The following AMOTL1 variants were observed in gnomAD, a reference collection of about 807,000 sequenced individuals.
AMOTL1 encodes angiomotin like 1.
A neutral mutation model predicts 102.9 loss-of-function variants in AMOTL1; 45 were observed. That is an observed-to-expected ratio of 0.44 (90% confidence interval 0.34 to 0.56). AMOTL1 has a LOEUF of 0.56. Among genes scored for constraint, AMOTL1 ranks in the 20% least tolerant of loss-of-function variants. The pLI, the probability that AMOTL1 is intolerant of heterozygous loss-of-function variation, is 0.01. For synonymous variants in AMOTL1, 481 were observed against 484.7 expected, an observed-to-expected ratio of 0.99 and a Z score of 0.10; for missense variants, 1,114 against 1,225.6, an observed-to-expected ratio of 0.91 and a Z score of 1.36.
chr11:94,853,603 TCTTTATTTAC>T (rs1952594030), intron 7 of AMOTL1, among the ~76,000 whole-genome samples: 1 of 152,202 alleles, frequency 6.6e-6, no homozygotes, highest in African/African-American at 2.4e-5. Context: ...GTGCAAAAAC[TCTTTATTTAC>T]CTCACTTCCA....
At chr11:94,811,593 C>A (rs1035449373) in intron 3 of AMOTL1, among the ~76,000 whole-genome samples, 1 of 151,710 alleles carries the variant, frequency 6.6e-6, no homozygotes, top group Admixed American at 6.6e-5. Flanking sequence ...AATTCAGAGG[C>A]CTTGTTCCCC....
chr11:94,821,492 T>C, intron 3 of AMOTL1, 38 bp from the exon 4 acceptor site: 1 of 1,589,878 alleles, frequency 6.3e-7, no homozygotes, highest in Non-Finnish European at 8.6e-7. Context: ...TCCCACCATT[T>C]CCCCAGGCTC....
At chr11:94,781,318 C>G (rs1951108403) in intron 1 of AMOTL1, among the ~76,000 whole-genome samples, 1 of 152,216 alleles carries the variant, frequency 6.6e-6, no homozygotes, top group Non-Finnish European at 1.5e-5. Context: ...GGGCCTCTTT[C>G]AGGTTTCACT....
At chr11:94,865,027 A>G (rs1178159959) in intron 10 of AMOTL1, among the ~76,000 whole-genome samples, 167 bp downstream of exon 10, 1 of 152,182 alleles carries the variant, frequency 6.6e-6, no homozygotes, top group East Asian at 1.9e-4. Context: ...TTCCAACCTA[A>G]GCACGTGGTT....
intron 3 of AMOTL1, chr11:94,741,077 G>C (rs1950517966): frequency 9.1e-7 from 1 of 1,098,732 alleles, no homozygotes; most frequent in Admixed American, 2.3e-5. Context: ...AACTCAGCTA[G>C]GGATGGGGCT....
chr11:94,759,095 T>C (rs950864413), intron 3 of AMOTL1, among the ~76,000 whole-genome samples: 2 of 152,244 alleles, frequency 1.3e-5, no homozygotes, highest in African/African-American at 4.8e-5. Flanking sequence ...TTCCTTAATG[T>C]TCTCAGAAAA....
chr11:94,752,227 T>G (rs973592119), intron 3 of AMOTL1, among the ~76,000 whole-genome samples: 3 of 152,082 alleles, frequency 2.0e-5, no homozygotes, highest in Admixed American at 6.6e-5. Context: ...CCTCCTCCAT[T>G]TCTGTCTCTG....
chr11:94,870,159 G>T (rs1375799423), intron 12 of AMOTL1, among the ~76,000 whole-genome samples: 1 of 152,152 alleles, frequency 6.6e-6, no homozygotes, highest in Non-Finnish European at 1.5e-5. Flanking sequence ...AGAGTACCCA[G>T]CCTACCATTG....
At chr11:94,725,760 C>A (rs1950247816) in intron 1 of AMOTL1, among the ~76,000 whole-genome samples, 1 of 152,108 alleles carries the variant, frequency 6.6e-6, no homozygotes, top group South Asian at 2.1e-4. Context: ...GCTGAATATA[C>A]AAAAGACTGA....
intron 6 of AMOTL1, among the ~76,000 whole-genome samples, chr11:94,846,626 A>T (rs1038926999): frequency 2.0e-5 from 3 of 152,178 alleles, no homozygotes; most frequent in African/African-American, 7.2e-5. Flanking sequence ...GAGATATATG[A>T]CCTGTGACAT....
chr11:94,843,950 C>G (rs1011881199), intron 6 of AMOTL1, among the ~76,000 whole-genome samples: 1 of 152,136 alleles, frequency 6.6e-6, no homozygotes, highest in Non-Finnish European at 1.5e-5. Context: ...TGGCACGGTA[C>G]ATAGAGGGCC....
chr11:94,721,763 GCTGA>G (rs1321214050), intron 1 of AMOTL1, among the ~76,000 whole-genome samples: 1 of 152,084 alleles, frequency 6.6e-6, no homozygotes, highest in Non-Finnish European at 1.5e-5. Context: ...AGCAGCTGGA[GCTGA>G]CTAACACATG....
chr11:94,818,583 C>T (rs780900836), intron 3 of AMOTL1, among the ~76,000 whole-genome samples: 3 of 152,086 alleles, frequency 2.0e-5, no homozygotes, highest in Non-Finnish European at 4.4e-5. Context: ...TGTGATTTGT[C>T]TTTAGTGAAA....
chr11:94,822,324 CA>C (rs1253934262), intron 4 of AMOTL1, among the ~76,000 whole-genome samples: 1 of 152,134 alleles, frequency 6.6e-6, no homozygotes, highest in Non-Finnish European at 1.5e-5. Context: ...CTTGCAGTCC[CA>C]GCTACTCAGG....
Position 94,750,683 on chromosome 11 carries a change from C to T in AMOTL1, c.136+9695C>T, listed in dbSNP as rs141448943. Among the ~76,000 whole-genome samples, 70 of 152,296 alleles carry T rather than the reference C, an allele frequency of 4.6e-4. No individual in the cohort carries two copies. The East Asian group carries it at 0.013, about 28-fold the overall frequency. On this transcript the variant is annotated intron_variant, in intron 3 of 4. Transcript: ENST00000299004. Reference sequence around the variant, plus strand: ...TATCCTGCCATCCTCCTCCTCAAGCCCTGAACACAGCTTCTGAGAGCTAAC... The same window carrying T: ...TATCCTGCCATCCTCCTCCTCAAGCTCTGAACACAGCTTCTGAGAGCTAAC...
chr11:94,726,095 G>T (rs1950253076), intron 1 of AMOTL1, among the ~76,000 whole-genome samples: 1 of 152,190 alleles, frequency 6.6e-6, no homozygotes. Flanking sequence ...ATAGTGATCA[G>T]TTGGATGTGA....
chr11:94,725,650 A>G (rs1243931941), intron 1 of AMOTL1, among the ~76,000 whole-genome samples: 2 of 152,100 alleles, frequency 1.3e-5, no homozygotes, highest in Admixed American at 6.5e-5. Flanking sequence ...CCTCTGAGGA[A>G]CACAGAACCA....
At chr11:94,741,102 G>A (rs934258218) in intron 3 of AMOTL1, 1 of 878,448 alleles carries the variant, frequency 1.1e-6, no homozygotes, top group Admixed American at 2.3e-5. Flanking sequence ...TTGGAGGGCG[G>A]AGGGAAAGGG....
intron 1 of AMOTL1, among the ~76,000 whole-genome samples, chr11:94,707,479 A>G (rs1264458358): frequency 6.6e-6 from 1 of 152,130 alleles, no homozygotes; most frequent in African/African-American, 2.4e-5. Context: ...ACCACTGTCA[A>G]ATGAAAATGT....
Sources: gnomAD v4.1 joint callset for allele counts (sites outside exome capture counted in the v4.1 genomes callset) on GRCh38, gnomAD v4.1.1 for gene constraint, MANE v1.5 for transcripts, NCBI Gene and HGNC (gene_info 2026-07-23, HGNC 2026-07-21) for gene names.